Variants in SLCO1B3 observed in about 807,000 individuals in gnomAD.
SLCO1B3 encodes the protein solute carrier organic anion transporter family member 1B3.
SLCO1B3 carries 72 observed loss-of-function variants against 71.8 expected under a neutral mutation model. The observed-to-expected ratio is 1.00, with a 90% confidence interval of 0.83 to 1.22. SLCO1B3 has a LOEUF of 1.22. SLCO1B3 is among the 50% of genes most tolerant of loss of function. The probability of loss-of-function intolerance (pLI) is 0.00; values close to 1 mark genes in which losing one functional copy is unlikely to be tolerated. For missense variants in SLCO1B3, 911 were observed against 819.7 expected (o/e 1.11, Z -1.36); for synonymous variants, 298 against 278.4 (o/e 1.07, Z -0.70).
intron 6 of SLCO1B3, among the ~76,000 whole-genome samples, chr12:20,862,050 CT>C (rs1434014052): frequency 6.6e-6 from 1 of 152,020 alleles, no homozygotes; most frequent in Non-Finnish European, 1.5e-5. Context: ...TAGAAGAACT[CT>C]TGACAACATG....
intron 3 of SLCO1B3, among the ~76,000 whole-genome samples, chr12:20,848,412 T>C (rs1038624209): frequency 2.6e-5 from 4 of 152,150 alleles, no homozygotes; most frequent in Non-Finnish European, 5.9e-5. Context: ...AGCCACTTTG[T>C]AAAACAATCT....
At chr12:20,833,831 C>T (rs1246307262) in intron 3 of SLCO1B3, among the ~76,000 whole-genome samples, 1 of 147,172 alleles carries the variant, frequency 6.8e-6, no homozygotes, top group Non-Finnish European at 1.5e-5. Flanking sequence ...TGCACACACA[C>T]AGTTTGTGTT....
intron 3 of SLCO1B3, among the ~76,000 whole-genome samples, chr12:20,841,293 C>T (rs888473378): frequency 2.0e-5 from 3 of 152,024 alleles, no homozygotes; most frequent in Admixed American, 6.6e-5. Context: ...AAAAAAATGG[C>T]GCCCTCCAAC....
Position 20,861,098 on chromosome 12 carries a change from C to T in SLCO1B3, c.441C>T (p.Thr147=). 6.2e-7 allele frequency: 1 copy of T among 1,601,396 alleles called. No individual in the cohort carries two copies. The highest frequency in any genetic ancestry group is 8.5e-7 in the Non-Finnish European group (1 of 1,173,618). Reference sequence around the variant, plus strand: ...TATCAACCTGTTTAATTAATCAAACCTTATCATTCAATGGAACATCACCTG... The same window carrying T: ...TATCAACCTGTTTAATTAATCAAACTTTATCATTCAATGGAACATCACCTG... The part of the protein sequence containing the change: ...SSLSTCLINQ[T]LSFNGTSPEI... The change falls in exon 6 of 16, where the codon ACC becomes ACT. Residue 147 remains threonine (T), a synonymous_variant. Coordinates refer to ENST00000381545, the MANE Select transcript of SLCO1B3 (RefSeq NM_019844.4).
intron 15 of SLCO1B3, 116 bp from the exon 16 acceptor site, chr12:20,915,888 T>G: frequency 1.5e-6 from 1 of 680,028 alleles, no homozygotes; most frequent in Non-Finnish European, 2.4e-6. Flanking sequence ...TCTCTTAATA[T>G]TTGTATGTGT....
intron 3 of SLCO1B3, among the ~76,000 whole-genome samples, chr12:20,817,874 C>T (rs2121076876): frequency 6.6e-6 from 1 of 152,220 alleles, no homozygotes; most frequent in South Asian, 2.1e-4. Flanking sequence ...ACAGCTTGAG[C>T]CACCGTGCCT....
intron 8 of SLCO1B3, among the ~76,000 whole-genome samples, chr12:20,866,284 A>T (rs993338850): frequency 1.3e-5 from 2 of 151,890 alleles, no homozygotes; most frequent in African/African-American, 4.8e-5. Flanking sequence ...GGACCATTGT[A>T]AAACAAAAAC....
chr12:20,902,147 A>G (rs1288033933), intron 15 of SLCO1B3: 6 of 233,560 alleles, frequency 2.6e-5, no homozygotes, highest in Non-Finnish European at 4.3e-5. Context: ...TAGAAAAATA[A>G]TGGTGAAAGG....
chr12:20,821,826 A>G (rs761201501), intron 3 of SLCO1B3, among the ~76,000 whole-genome samples: 138 of 152,222 alleles, frequency 9.1e-4, no homozygotes, highest in Admixed American at 1.6e-3. Flanking sequence ...TGCAATGATT[A>G]AACACCAAGG....
intron 8 of SLCO1B3, among the ~76,000 whole-genome samples, chr12:20,873,382 C>T (rs990993657): frequency 5.3e-5 from 8 of 151,974 alleles, no homozygotes; most frequent in African/African-American, 1.9e-4. Flanking sequence ...TGCCTGCTCA[C>T]TCTGCACTAA....
chr12:20,841,621 A>T (rs1175750776), intron 3 of SLCO1B3, among the ~76,000 whole-genome samples: 1 of 152,164 alleles, frequency 6.6e-6, no homozygotes, highest in East Asian at 1.9e-4. Flanking sequence ...CAGGTTTGTT[A>T]CATAGGTAAA....
intron 3 of SLCO1B3, among the ~76,000 whole-genome samples, chr12:20,833,290 CTAACA>C (rs1272782624): frequency 1.3e-5 from 2 of 151,926 alleles, no homozygotes; most frequent in Admixed American, 6.6e-5. Context: ...GCCATGTTAC[CTAACA>C]TATTTACAAG....
intron 11 of SLCO1B3, 45 bp from the exon 12 acceptor site, chr12:20,880,810 T>C (rs1239539909): frequency 7.2e-7 from 1 of 1,392,202 alleles, no homozygotes; most frequent in East Asian, 2.4e-5. Context: ...CTTTCTCTAC[T>C]TCCTCTTTCT....
chr12:20,899,914 C>T (rs1273544141), intron 14 of SLCO1B3, among the ~76,000 whole-genome samples: 1 of 152,078 alleles, frequency 6.6e-6, no homozygotes, highest in Non-Finnish European at 1.5e-5. Context: ...AGCAAACTTC[C>T]AATTCATGAA....
intron 15 of SLCO1B3, among the ~76,000 whole-genome samples, chr12:20,906,937 T>C (rs1866257794): frequency 6.6e-6 from 1 of 151,944 alleles, no homozygotes; most frequent in South Asian, 2.1e-4. Flanking sequence ...CCCAAAATAC[T>C]GAAAACAAAG....
rs1482486549 is a variant in SLCO1B3, at chr12:20,880,915, TTG to T, written c.1395_1396del (p.Cys465Ter). 6.2e-7 allele frequency: 1 copy of T among 1,611,628 alleles called. No individual in the cohort carries two copies. Among genetic ancestry groups the T allele is most frequent in the Non-Finnish European group, 8.5e-7 (1 of 1,177,992 alleles). On this transcript the variant is annotated frameshift_variant, in exon 12 of 16. Transcript: ENST00000381545. LOFTEE classifies it high-confidence loss of function. ...TTTCTTATTGCAACTCAGAGTGCAATTGTGATGAAAGTCAGTGGGAACCAGTC... is the reference window on the plus strand; with the variant it reads ...TTTCTTATTGCAACTCAGAGTGCAATTGATGAAAGTCAGTGGGAACCAGTC... ...PLSYCNSECN[C>X]DESQWEPVCG...
rs745492800 is a variant in SLCO1B3 at position 20,898,513 on chromosome 12, T to C, written c.1747+13T>C. The C allele has an allele frequency of 3.7e-6, 5 of 1,359,106 alleles. No individual in the cohort carries two copies. Among genetic ancestry groups the C allele is most frequent in the Non-Finnish European group, 3.1e-6 (3 of 961,818 alleles). 84.2% of individuals were successfully genotyped at this position (1,359,106 alleles called of 1,614,324 possible). On this transcript the variant is annotated intron_variant, in intron 14 of 15. Transcript: ENST00000381545. ...ATAAGAACACTAGGTATGACAAATA[T>C]ATAGATTATACATTTTAACATATAA...
chr12:20,880,805 T>C (rs1436807467), intron 11 of SLCO1B3, 50 bp from the exon 12 acceptor site: 23 of 1,348,706 alleles, frequency 1.7e-5, no homozygotes, highest in Non-Finnish European at 2.4e-5. Context: ...CTGCTCTTTC[T>C]CTACTTCCTC....
chr12:20,875,439 T>A lies in SLCO1B3; in HGVS notation c.932T>A (p.Leu311Ter). Residue 311 changes from leucine (L) to a stop codon, truncating the protein, a stop_gained, in exon 9 of 16, where the codon TTG becomes TAG. Transcript: ENST00000381545. LOFTEE classifies it high-confidence loss of function. The part of the protein sequence containing the change: ...TNDDRNQTAN[L>*]TNQGKNVTKN... ...GATGATAGAAATCAAACAGCTAATT[T>A]GACCAACCAAGGAAAAAATGTTACC... 6.2e-7 allele frequency: 1 copy of A among 1,602,960 alleles called. No homozygotes were observed. The highest frequency in any genetic ancestry group is 8.5e-7 in the Non-Finnish European group (1 of 1,177,638).
Sources: gnomAD v4.1 joint callset for allele counts (sites outside exome capture counted in the v4.1 genomes callset) on GRCh38, gnomAD v4.1.1 for gene constraint, MANE v1.5 for transcripts, NCBI Gene and HGNC (gene_info 2026-07-23, HGNC 2026-07-21) for gene names.